Variants in G3BP2 observed in about 807,000 individuals in gnomAD.
G3BP2 encodes the protein G3BP stress granule assembly factor 2, also known as ras GTPase-activating protein-binding protein 2.
A neutral mutation model predicts 56.7 loss-of-function variants in G3BP2; 11 were observed. That is an observed-to-expected ratio of 0.19 (90% CI 0.12 to 0.32). The LOEUF is 0.32. G3BP2 is among the 10% of genes least tolerant of loss of function. The probability of loss-of-function intolerance (pLI) is 1.00; values close to 1 mark genes in which losing one functional copy is unlikely to be tolerated. For synonymous variants in G3BP2, 165 were observed against 191.6 expected, an observed-to-expected ratio of 0.86 and a Z score of 1.15; for missense variants, 340 against 610.9, an observed-to-expected ratio of 0.56 and a Z score of 4.67.
intron 3 of G3BP2, among the ~76,000 whole-genome samples, chr4:75,719,911 A>G (rs1367111540): frequency 6.6e-6 from 1 of 151,518 alleles, no homozygotes; most frequent in Non-Finnish European, 1.5e-5. Context: ...TTATCTCCTG[A>G]GAGAGGTAGC....
At chr4:75,663,182 G>C (rs1732705223) in intron 1 of G3BP2, among the ~76,000 whole-genome samples, 1 of 152,234 alleles carries the variant, frequency 6.6e-6, no homozygotes, top group African/African-American at 2.4e-5. Flanking sequence ...AAACTTAACA[G>C]AATGGGTTAG....
intron 1 of G3BP2, among the ~76,000 whole-genome samples, chr4:75,666,919 G>A (rs957675734): frequency 6.6e-6 from 1 of 152,148 alleles, no homozygotes; most frequent in Non-Finnish European, 1.5e-5. Flanking sequence ...TGACCTTACT[G>A]GATCTCGATT....
chr4:75,671,869 C>CTT (rs995741745), intron 1 of G3BP2, among the ~76,000 whole-genome samples: 3 of 152,216 alleles, frequency 2.0e-5, no homozygotes, highest in Non-Finnish European at 2.9e-5. Flanking sequence ...TGGATGCTAA[C>CTT]AGGGCCAAAA....
At chr4:75,656,024 T>C (rs1407233030) in intron 5 of G3BP2, among the ~76,000 whole-genome samples, 154 bp from the exon 6 acceptor site, 1 of 151,760 alleles carries the variant, frequency 6.6e-6, no homozygotes, top group Non-Finnish European at 1.5e-5. Context: ...GGAGTCTTGT[T>C]CTGTTGCCCA....
Position 75,662,949 on chromosome 4 carries a change from C to T in G3BP2, c.-24-900G>A, listed in dbSNP as rs547726526. 7.2e-5 allele frequency among the ~76,000 whole-genome samples: 11 copies of T among 152,326 alleles called. No homozygotes were observed. In the South Asian group the frequency reaches 1.4e-3, roughly 20 times the overall value. On this transcript the variant is annotated intron_variant, in intron 1 of 11. Coordinates refer to ENST00000359707, the MANE Select transcript of G3BP2 (RefSeq NM_203505.3). ...TCTTTCCTTCTGGGAATTAATTTCA[C>T]CATTTTCAAAATGGTAACAATGATT...
Position 75,706,913 on chromosome 4 carries a change from C to T in G3BP2, c.-25+13964G>A, listed in dbSNP as rs922581986. Among the ~76,000 whole-genome samples the T allele has an allele frequency of 3.9e-5, 6 of 152,026 alleles. No homozygotes were observed. The East Asian group carries it at 1.2e-3, about 29-fold the overall frequency. On this transcript the variant is annotated intron_variant, in intron 3 of 3. Transcript: ENST00000499709. ...TTAACAGCAAAAGGGAAAAGAGTGGCCAGGCTTGGTGGCTCATGCCTATAA... is the reference window on the plus strand; with the variant it reads ...TTAACAGCAAAAGGGAAAAGAGTGGTCAGGCTTGGTGGCTCATGCCTATAA...
upstream of G3BP2, among the ~76,000 whole-genome samples, chr4:75,676,297 T>G (rs1374910536): frequency 1.3e-5 from 2 of 152,010 alleles, no homozygotes; most frequent in Non-Finnish European, 2.9e-5. Flanking sequence ...CAAAAACCTC[T>G]TTTTCTCACA....
chr4:75,683,603 T>C (rs1718440965), intron 3 of G3BP2, among the ~76,000 whole-genome samples: 1 of 152,026 alleles, frequency 6.6e-6, no homozygotes, highest in Admixed American at 6.6e-5. Context: ...CCTGCACTTC[T>C]GGTTAGTTCA....
Position 75,644,726 on chromosome 4 carries a change from C to T in G3BP2, c.*704G>A, listed in dbSNP as rs1339699276. ...AATCTGGTCTAATAGTCAAGACCAT[C>T]GCATTTGAAGTTCTAATTTTTATTA... On this transcript the variant is annotated 3_prime_UTR_variant, in exon 12 of 12. Coordinates refer to ENST00000359707, the MANE Select transcript of G3BP2 (RefSeq NM_203505.3). 3 of 152,582 alleles carry T rather than the reference C, an allele frequency of 2.0e-5. No individual in the cohort carries two copies. Among genetic ancestry groups the T allele is most frequent in the Admixed American group, 6.6e-5 (1 of 15,266 alleles). The allele number at this position is 152,582 out of a possible 1,614,324, so 9.5% of individuals were successfully genotyped here. A position where few individuals can be genotyped will look rare whatever the true frequency, so the allele number is the denominator to read the frequency against.
intron 1 of G3BP2, among the ~76,000 whole-genome samples, chr4:75,666,842 C>T (rs773593346): frequency 6.6e-5 from 10 of 152,036 alleles, no homozygotes; most frequent in Non-Finnish European, 1.3e-4. Flanking sequence ...GTTAACAAAA[C>T]GAAACAAAAT....
chr4:75,699,375 T>C (rs1170910207), intron 3 of G3BP2, among the ~76,000 whole-genome samples: 1 of 152,224 alleles, frequency 6.6e-6, no homozygotes, highest in Non-Finnish European at 1.5e-5. Context: ...TGTTAATCCA[T>C]CCTCAGCACA....
chr4:75,705,011 C>G (rs1164163385), intron 3 of G3BP2, among the ~76,000 whole-genome samples: 1 of 152,172 alleles, frequency 6.6e-6, no homozygotes, highest in Non-Finnish European at 1.5e-5. Flanking sequence ...AATGTGGCCA[C>G]AAATTCATAT....
intron 3 of G3BP2, among the ~76,000 whole-genome samples, chr4:75,718,888 C>A (rs900813732): frequency 6.6e-6 from 1 of 151,820 alleles, no homozygotes; most frequent in South Asian, 2.1e-4. Flanking sequence ...GAAAAAAAAA[C>A]AAAAACAGTT....
intron 3 of G3BP2, 139 bp downstream of exon 3, chr4:75,658,704 G>A: frequency 1.5e-6 from 1 of 645,510 alleles, no homozygotes; most frequent in Admixed American, 2.6e-5. Context: ...TCCAGCCTGG[G>A]CAACAAGAGC....
chr4:75,678,458 G>A (rs6857387), intron 3 of G3BP2, among the ~76,000 whole-genome samples: 1 of 152,160 alleles, frequency 6.6e-6, no homozygotes, highest in African/African-American at 2.4e-5. Flanking sequence ...CTGACCTAAA[G>A]GTATTTTGTT....
At chr4:75,705,081 A>T (rs1323121377) in intron 3 of G3BP2, among the ~76,000 whole-genome samples, 1 of 152,128 alleles carries the variant, frequency 6.6e-6, no homozygotes, top group Non-Finnish European at 1.5e-5. Flanking sequence ...GTTTTAGTGT[A>T]TTTTATGTGT....
At chr4:75,697,298 A>AAAAAAAAAAAAAAC (rs1719163966) in intron 3 of G3BP2, among the ~76,000 whole-genome samples, 1 of 59,928 alleles carries the variant, frequency 1.7e-5, no homozygotes, top group Non-Finnish European at 3.5e-5. Context: ...AAAAAAAAAA[A>AAAAAAAAAAAAAAC]AAAGATCATG....
At chr4:75,683,093 G>A (rs1247437980) in intron 3 of G3BP2, among the ~76,000 whole-genome samples, 4 of 152,074 alleles carry the variant, frequency 2.6e-5, no homozygotes, top group African/African-American at 9.7e-5. Flanking sequence ...CCTCATGCAG[G>A]GTCCGCATCA....
intron 3 of G3BP2, among the ~76,000 whole-genome samples, chr4:75,688,047 G>A (rs1718683805): frequency 6.6e-6 from 1 of 152,196 alleles, no homozygotes; most frequent in Non-Finnish European, 1.5e-5. Flanking sequence ...TCACTGAACT[G>A]TAGGAAGGTG....
Sources: allele counts gnomAD v4.1 joint callset (sites outside exome capture counted in the v4.1 genomes callset), GRCh38; gene constraint gnomAD v4.1.1; transcripts MANE v1.5; gene names NCBI Gene and HGNC (gene_info 2026-07-23, HGNC 2026-07-21).